NPAS3: variants seen among roughly 807,000 people sequenced by gnomAD.
NPAS3 encodes the protein neuronal PAS domain protein 3.
In NPAS3, 14 loss-of-function variants were observed where a neutral mutation model predicts 73.1. That is an observed-to-expected ratio of 0.19 (90% CI 0.13 to 0.30). The LOEUF (loss-of-function observed/expected upper bound fraction) is 0.30, where lower values mean the gene tolerates loss of function less well. Ranked by LOEUF, NPAS3 falls within the 10% of genes least tolerant of loss-of-function variation. The pLI, the probability that NPAS3 is intolerant of heterozygous loss-of-function variation, is 1.00. For synonymous variants in NPAS3, 620 were observed against 541.5 expected (o/e 1.14, Z -2.01); for missense variants, 1,096 against 1,250.0 (o/e 0.88, Z 1.86).
intron 1 of NPAS3, among the ~76,000 whole-genome samples, chr14:32,974,149 TG>T (rs988699146): frequency 5.3e-5 from 8 of 152,160 alleles, no homozygotes; most frequent in Non-Finnish European, 2.9e-5. Flanking sequence ...AGGAGAACTG[TG>T]AGTTTGATTA....
At chr14:33,039,530 T>C (rs2040281033) in intron 1 of NPAS3, among the ~76,000 whole-genome samples, 1 of 152,150 alleles carries the variant, frequency 6.6e-6, no homozygotes. Flanking sequence ...TCGCTTTGCC[T>C]CTATTCCTGG....
chr14:33,048,557 C>T (rs1224368614), intron 1 of NPAS3, among the ~76,000 whole-genome samples: 2 of 152,242 alleles, frequency 1.3e-5, no homozygotes, highest in African/African-American at 4.8e-5. Flanking sequence ...CATTTGCCTG[C>T]TGTTCTCTAC....
At chr14:33,788,808 CTG>C (rs958546557) in intron 9 of NPAS3, among the ~76,000 whole-genome samples, 1 of 152,136 alleles carries the variant, frequency 6.6e-6, no homozygotes, top group African/African-American at 2.4e-5. Context: ...CTGTTGGTAA[CTG>C]TGTGCAGGGC....
chr14:33,268,508 A>G (rs551803424), intron 3 of NPAS3, among the ~76,000 whole-genome samples: 9 of 152,134 alleles, frequency 5.9e-5, no homozygotes, highest in Non-Finnish European at 8.8e-5. Context: ...TTTATTTGCT[A>G]TGGATTTCTT....
chr14:33,064,082 G>A (rs2041199520), intron 2 of NPAS3, among the ~76,000 whole-genome samples: 1 of 152,024 alleles, frequency 6.6e-6, no homozygotes, highest in South Asian at 2.1e-4. Context: ...TGCCTTAAAG[G>A]AGATCATTGT....
intron 3 of NPAS3, among the ~76,000 whole-genome samples, chr14:33,233,881 C>A (rs930016128): frequency 2.6e-5 from 4 of 152,106 alleles, no homozygotes; most frequent in Admixed American, 2.6e-4. Context: ...AACAATTACA[C>A]TATGTTGGTC....
At chr14:33,188,443 A>G (rs991269803) in intron 2 of NPAS3, among the ~76,000 whole-genome samples, 3 of 152,224 alleles carry the variant, frequency 2.0e-5, no homozygotes, top group Non-Finnish European at 4.4e-5. Flanking sequence ...ATTTGAAGAC[A>G]CAAATGTCCA....
intron 6 of NPAS3, among the ~76,000 whole-genome samples, chr14:33,718,636 G>A (rs2061020238): frequency 1.5e-5 from 2 of 132,104 alleles, no homozygotes; most frequent in Admixed American, 1.4e-4. Flanking sequence ...CATTTGATAT[G>A]GTATCACAGT....
At chr14:33,576,835 T>C (rs1431152691) in intron 5 of NPAS3, among the ~76,000 whole-genome samples, 2 of 152,196 alleles carry the variant, frequency 1.3e-5, no homozygotes, top group South Asian at 4.1e-4. Flanking sequence ...AGCATGTTTA[T>C]ACAAATAAAG....
intron 2 of NPAS3, among the ~76,000 whole-genome samples, chr14:33,116,559 G>A (rs2139005136): frequency 6.6e-6 from 1 of 152,238 alleles, no homozygotes; most frequent in African/African-American, 2.4e-5. Flanking sequence ...AATGCTAGAT[G>A]CTTTAACAAA....
At chr14:32,982,183 G>A (rs538807595) in intron 1 of NPAS3, among the ~76,000 whole-genome samples, 148 of 152,270 alleles carry the variant, frequency 9.7e-4, no homozygotes, top group Middle Eastern at 6.8e-3. Context: ...TTTCATGATA[G>A]AAGATGGAAG....
At chr14:33,498,160 T>C (rs967876508) in intron 4 of NPAS3, among the ~76,000 whole-genome samples, 2 of 152,116 alleles carry the variant, frequency 1.3e-5, no homozygotes, top group African/African-American at 4.8e-5. Flanking sequence ...TCCCACCATT[T>C]AGAATGGTGA....
Position 33,554,788 on chromosome 14 carries a change from G to A in NPAS3, c.469-5333G>A, listed in dbSNP as rs559756545. Reference sequence around the variant, plus strand: ...CAGAGGAATATGCACAAAAAGGAAAGCAGAGGCAAAACTCCTTTGACAAAT... The same window carrying A: ...CAGAGGAATATGCACAAAAAGGAAAACAGAGGCAAAACTCCTTTGACAAAT... On this transcript the variant is annotated intron_variant, in intron 4 of 11. Coordinates refer to ENST00000356141, the Ensembl canonical transcript of NPAS3. Among the ~76,000 whole-genome samples, 10 of 152,292 alleles carry A rather than the reference G, an allele frequency of 6.6e-5. No individual in the cohort carries two copies. The South Asian group carries it at 1.7e-3, about 25-fold the overall frequency.
chr14:33,575,950 GA>G (rs1431561790), intron 5 of NPAS3, among the ~76,000 whole-genome samples: 2 of 152,116 alleles, frequency 1.3e-5, no homozygotes, highest in African/African-American at 4.8e-5. Flanking sequence ...AGCTAAGAAA[GA>G]ATAAATATAT....
chr14:33,790,907 G>A (rs1181372098), intron 9 of NPAS3, among the ~76,000 whole-genome samples: 4 of 152,308 alleles, frequency 2.6e-5, no homozygotes, highest in Middle Eastern at 3.4e-3. Context: ...GGCCTCAAGT[G>A]ATCCATCCAC....
intron 4 of NPAS3, among the ~76,000 whole-genome samples, chr14:33,393,549 G>C (rs1263333478): frequency 1.3e-5 from 2 of 152,080 alleles, no homozygotes; most frequent in East Asian, 1.9e-4. Context: ...TTCCTTCACT[G>C]TTCCCAAAAA....
At chr14:33,304,995 G>A (rs1490900239) in intron 3 of NPAS3, among the ~76,000 whole-genome samples, 1 of 152,022 alleles carries the variant, frequency 6.6e-6, no homozygotes, top group Non-Finnish European at 1.5e-5. Context: ...GTCCAGCATT[G>A]GTGTGGGTGT....
At chr14:33,265,842 A>G (rs1036163695) in intron 3 of NPAS3, among the ~76,000 whole-genome samples, 9 of 152,104 alleles carry the variant, frequency 5.9e-5, no homozygotes, top group African/African-American at 2.2e-4. Flanking sequence ...CTATCATTAG[A>G]TTACCTTGGA....
chr14:33,398,826 A>G (rs2047330294), intron 4 of NPAS3, among the ~76,000 whole-genome samples: 1 of 152,138 alleles, frequency 6.6e-6, no homozygotes, highest in Non-Finnish European at 1.5e-5. Flanking sequence ...TGAATTACCA[A>G]AATTTATTTA....
Sources: gnomAD v4.1 joint callset for allele counts (sites outside exome capture counted in the v4.1 genomes callset) on GRCh38, gnomAD v4.1.1 for gene constraint, MANE v1.5 for transcripts, NCBI Gene and HGNC (gene_info 2026-07-23, HGNC 2026-07-21) for gene names.